The following ZNF362 variants were observed in gnomAD, a reference collection of about 807,000 sequenced individuals.
ZNF362 encodes the protein zinc finger protein 362, also known as rotund homolog.
ZNF362 carries 11 observed loss-of-function variants against 42.9 expected under a neutral mutation model. That is an observed-to-expected ratio of 0.26 (90% confidence interval 0.16 to 0.42). ZNF362 has a LOEUF of 0.42. Ranked by LOEUF, ZNF362 falls within the 20% of genes least tolerant of loss-of-function variation. The pLI is 1.00. For synonymous variants in ZNF362, 255 were observed against 257.3 expected (o/e 0.99, Z 0.09); for missense variants, 362 against 576.2 (o/e 0.63, Z 3.81).
chr1:33,224,383 A>T, the ZNF362 span, among the ~76,000 whole-genome samples: 1 of 152,246 alleles, frequency 6.6e-6, no homozygotes, highest in Non-Finnish European at 1.5e-5. Context: ...TCAAATTTCC[A>T]GACCTAAGTA....
At chr1:33,296,010 C>A (rs79186819) in intron 8 of ZNF362, among the ~76,000 whole-genome samples, 1,763 of 152,298 alleles carry the variant, frequency 0.012, 39 homozygotes, top group African/African-American at 0.04. Flanking sequence ...TTACTAAACA[C>A]TTCTGCCTGG....
At chr1:33,214,675 G>A in the ZNF362 span, among the ~76,000 whole-genome samples, 2 of 152,144 alleles carry the variant, frequency 1.3e-5, no homozygotes. Context: ...GGATTAAAAA[G>A]TGGGCAAAAG....
chr1:33,163,219 A>C, the ZNF362 span: 2 of 151,870 alleles, frequency 1.3e-5, 1 homozygote, highest in Non-Finnish European at 2.9e-5. Flanking sequence ...TTGTATTTTT[A>C]GTAGAGACGG....
At chr1:33,150,014 C>T in the ZNF362 span, among the ~76,000 whole-genome samples, 1 of 152,182 alleles carries the variant, frequency 6.6e-6, no homozygotes, top group Admixed American at 6.5e-5. Context: ...GCTGGCCACA[C>T]CGGCTTAGCA....
the ZNF362 span, among the ~76,000 whole-genome samples, chr1:33,161,320 A>G: frequency 6.6e-6 from 1 of 152,142 alleles, no homozygotes; most frequent in Non-Finnish European, 1.5e-5. The surrounding 1 kb of genome is among the most constrained non-coding windows in gnomAD (Gnocchi z 4.3). Context: ...GAAGGGCTTA[A>G]CGTCAGGACG....
At chr1:33,159,149 C>T in the ZNF362 span, among the ~76,000 whole-genome samples, 1 of 151,876 alleles carries the variant, frequency 6.6e-6, no homozygotes, top group Non-Finnish European at 1.5e-5. This position sits in a 1 kb window ranked among gnomAD's most constrained non-coding sequence, Gnocchi z 4.2. Context: ...CCAGCAGGAG[C>T]CTCAGTTTCT....
At chr1:33,212,608 AG>A in the ZNF362 span, among the ~76,000 whole-genome samples, 1 of 152,118 alleles carries the variant, frequency 6.6e-6, no homozygotes, top group South Asian at 2.1e-4. Context: ...CAGAAGACAA[AG>A]GGGAAGCTGG....
At chr1:33,165,055 A>C in the ZNF362 span, 2 of 154,814 alleles carry the variant, frequency 1.3e-5, no homozygotes, top group Non-Finnish European at 2.8e-5. This position sits in a 1 kb window ranked among gnomAD's most constrained non-coding sequence, Gnocchi z 4.0. Flanking sequence ...GCCTCTGAAG[A>C]GACTGGGACT....
chr1:33,260,284 C>A (rs1645820567), intron 1 of ZNF362, among the ~76,000 whole-genome samples: 1 of 152,236 alleles, frequency 6.6e-6, no homozygotes. Context: ...ATAGTCCAGG[C>A]TCTGCCCACC....
chr1:33,136,126 C>G, the ZNF362 span, among the ~76,000 whole-genome samples: 61 of 129,410 alleles, frequency 4.7e-4, no homozygotes, highest in African/African-American at 1.7e-3. Flanking sequence ...TTCCTTCCTT[C>G]CTTCCTTCCT....
At chr1:33,187,973 C>T in the ZNF362 span, among the ~76,000 whole-genome samples, 3 of 152,108 alleles carry the variant, frequency 2.0e-5, no homozygotes, top group South Asian at 2.1e-4. Flanking sequence ...TGATGGCTCA[C>T]GCCTGTAATC....
At chr1:33,295,084 G>T (rs920939073) in intron 7 of ZNF362, 63 bp from the exon 8 acceptor site, 2 of 1,600,970 alleles carry the variant, frequency 1.2e-6, no homozygotes, top group Non-Finnish European at 1.7e-6. Context: ...ACAAGGAAGC[G>T]TAGGAAGGGG....
chr1:33,170,990 G>C, the ZNF362 span, among the ~76,000 whole-genome samples: 1 of 152,204 alleles, frequency 6.6e-6, no homozygotes, highest in Non-Finnish European at 1.5e-5. Context: ...GCTTCTTTGT[G>C]TCTTCATCCC....
the ZNF362 span, among the ~76,000 whole-genome samples, chr1:33,245,116 G>A: frequency 2.0e-5 from 3 of 152,134 alleles, no homozygotes; most frequent in South Asian, 6.2e-4. Context: ...TCCTTCGCAG[G>A]GGCCTGAGTG....
chr1:33,181,124 G>A, the ZNF362 span: 3 of 1,600,708 alleles, frequency 1.9e-6, no homozygotes, highest in South Asian at 3.3e-5. This position sits in a 1 kb window ranked among gnomAD's most constrained non-coding sequence, Gnocchi z 6.5. Context: ...GGTCCGTGAG[G>A]CAGAAGAGCT....
intron 6 of ZNF362, among the ~76,000 whole-genome samples, chr1:33,287,999 AT>A (rs1218089295): frequency 3.3e-5 from 5 of 152,250 alleles, no homozygotes; most frequent in African/African-American, 7.2e-5. Flanking sequence ...GTGATAATTC[AT>A]GAATCCTTAA....
Position 33,280,556 on chromosome 1 carries a change from T to C in ZNF362, c.683+99T>C. ...AGCAGCGGGGCTGAAACAGGACCCT[T>C]AGGGCTGAGGGGCAGGGCTAGGGTC... On this transcript the variant is annotated intron_variant, in intron 5 of 8. Transcript: ENST00000539719. The surrounding 1 kb of genome is among the most constrained non-coding windows in gnomAD (Gnocchi z 5.6). 1 of 1,456,070 alleles carries C rather than the reference T, an allele frequency of 6.9e-7. No homozygotes were observed. The highest frequency in any genetic ancestry group is 9.1e-7 in the Non-Finnish European group (1 of 1,100,478). 90.2% of individuals were successfully genotyped at this position (1,456,070 alleles called of 1,614,324 possible). A position where few individuals can be genotyped will look rare whatever the true frequency, so the allele number is the denominator to read the frequency against.
chr1:33,159,688 C>T, the ZNF362 span: 130 of 1,605,320 alleles, frequency 8.1e-5, no homozygotes, highest in Non-Finnish European at 1.0e-4. The surrounding 1 kb of genome is among the most constrained non-coding windows in gnomAD (Gnocchi z 4.2). Context: ...TGGCACTTAC[C>T]GCTCGGACAG....
chr1:33,252,352 CAAA>C (rs1645765095), upstream of ZNF362, among the ~76,000 whole-genome samples: 1 of 60,006 alleles, frequency 1.7e-5, no homozygotes, highest in African/African-American at 5.8e-5. Flanking sequence ...AACTCCATCT[CAAA>C]ACAACAACAA....
Sources: allele counts gnomAD v4.1 joint callset (sites outside exome capture counted in the v4.1 genomes callset), GRCh38; gene constraint gnomAD v4.1.1; non-coding constraint Gnocchi (gnomAD v3.1); transcripts MANE v1.5; gene names NCBI Gene and HGNC (gene_info 2026-07-23, HGNC 2026-07-21).